The following SLC25A48 variants were observed in gnomAD, a reference collection of about 807,000 sequenced individuals.
SLC25A48 encodes CTC-321K16.1.
A neutral mutation model predicts 32.2 loss-of-function variants in SLC25A48; 29 were observed. That is an observed-to-expected ratio of 0.90 (90% CI 0.67 to 1.23). The LOEUF (loss-of-function observed/expected upper bound fraction) is 1.23. Among genes scored for constraint, SLC25A48 ranks in the 50% most tolerant of loss-of-function variants. The pLI is 0.00. For synonymous variants in SLC25A48, 164 were observed against 172.3 expected, an observed-to-expected ratio of 0.95 and a Z score of 0.38; for missense variants, 399 against 422.7, an observed-to-expected ratio of 0.94 and a Z score of 0.49.
At chr5:135,681,993 T>C (rs1753908773) in intron 3 of SLC25A48, among the ~76,000 whole-genome samples, 1 of 152,202 alleles carries the variant, frequency 6.6e-6, no homozygotes, top group Non-Finnish European at 1.5e-5. Context: ...ATGGATGTGA[T>C]GATCAATACT....
intron 3 of SLC25A48, among the ~76,000 whole-genome samples, chr5:135,662,068 C>A (rs1302408921): frequency 6.6e-6 from 1 of 152,182 alleles, no homozygotes; most frequent in African/African-American, 2.4e-5. Context: ...GCATACAAAT[C>A]CCTTCCACAC....
chr5:135,732,473 C>T (rs1561467684), intron 3 of SLC25A48, among the ~76,000 whole-genome samples: 1 of 152,152 alleles, frequency 6.6e-6, no homozygotes, highest in East Asian at 1.9e-4. Flanking sequence ...TGAGTAAAGT[C>T]AATTTGCCAG....
intron 4 of SLC25A48, among the ~76,000 whole-genome samples, chr5:135,862,787 G>A (rs921517746): frequency 5.3e-5 from 8 of 152,180 alleles, no homozygotes; most frequent in African/African-American, 1.7e-4. Flanking sequence ...GCACATGGTG[G>A]GACAAGGGAG....
intron 1 of SLC25A48, among the ~76,000 whole-genome samples, chr5:135,838,887 T>C (rs115161686): frequency 0.13 from 20,228 of 152,176 alleles, 1,766 homozygotes; most frequent in Middle Eastern, 0.2. Flanking sequence ...GCTAGGGCAG[T>C]GTGGATGGGA....
At chr5:135,831,527 G>A (rs78745032), upstream of SLC25A48, among the ~76,000 whole-genome samples, 33 of 152,340 alleles carry the variant, frequency 2.2e-4, 1 homozygote, top group East Asian at 6.2e-3. Context: ...ATGTGGCATA[G>A]GGTGATGAGG....
chr5:135,867,204 G>A (rs1189752898), intron 4 of SLC25A48, among the ~76,000 whole-genome samples: 2 of 152,104 alleles, frequency 1.3e-5, no homozygotes, highest in Non-Finnish European at 2.9e-5. Context: ...CAATCCTTTC[G>A]CATATGCATG....
At chr5:135,707,410 T>C (rs1419369756) in intron 3 of SLC25A48, among the ~76,000 whole-genome samples, 1 of 152,206 alleles carries the variant, frequency 6.6e-6, no homozygotes, top group African/African-American at 2.4e-5. Flanking sequence ...TGCAAGCGCC[T>C]TTGTGATCTG....
intron 3 of SLC25A48, among the ~76,000 whole-genome samples, chr5:135,794,203 G>T (rs574499246): frequency 1.8e-4 from 28 of 151,820 alleles, no homozygotes; most frequent in Non-Finnish European, 2.9e-5. Flanking sequence ...ATCGCAGGTG[G>T]TGTACACCCC....
At chr5:135,721,855 A>G (rs1413763617) in intron 3 of SLC25A48, among the ~76,000 whole-genome samples, 1 of 152,242 alleles carries the variant, frequency 6.6e-6, no homozygotes, top group East Asian at 1.9e-4. Context: ...GCCACAGCCC[A>G]AGAAGGATGG....
chr5:135,872,821 G>A (rs551323742), intron 5 of SLC25A48: 2 of 152,646 alleles, frequency 1.3e-5, no homozygotes, highest in South Asian at 4.1e-4. Context: ...CATCATCACA[G>A]TTTGCCATGC....
chr5:135,757,659 TATA>T (rs1314580903), intron 3 of SLC25A48, among the ~76,000 whole-genome samples: 2 of 149,616 alleles, frequency 1.3e-5, no homozygotes, highest in South Asian at 2.2e-4. Context: ...AGATGATATT[TATA>T]ATGTCTAGTG....
intron 3 of SLC25A48, among the ~76,000 whole-genome samples, chr5:135,773,137 A>G (rs1232472540): frequency 2.0e-5 from 3 of 151,308 alleles, no homozygotes. Flanking sequence ...GTTTTGTAAT[A>G]TCCAGGGTGG....
At chr5:135,850,884 G>A (rs1023268104) in intron 3 of SLC25A48, among the ~76,000 whole-genome samples, 1 of 152,142 alleles carries the variant, frequency 6.6e-6, no homozygotes, top group Admixed American at 6.5e-5. Flanking sequence ...AGATGTGTCT[G>A]AGCCTAGACA....
intron 3 of SLC25A48, among the ~76,000 whole-genome samples, chr5:135,653,185 T>C (rs1753158861): frequency 6.6e-6 from 1 of 152,226 alleles, no homozygotes; most frequent in Non-Finnish European, 1.5e-5. Flanking sequence ...TATAAATTAC[T>C]CAGTTTCAGG....
intron 3 of SLC25A48, among the ~76,000 whole-genome samples, chr5:135,717,103 T>C (rs1395218691): frequency 1.3e-5 from 2 of 152,132 alleles, no homozygotes. Flanking sequence ...ATATCCCTGA[T>C]CAGTAGCTGT....
At chr5:135,816,328 A>G (rs1757717679) in intron 4 of SLC25A48, among the ~76,000 whole-genome samples, 1 of 152,204 alleles carries the variant, frequency 6.6e-6, no homozygotes, top group African/African-American at 2.4e-5. Flanking sequence ...ATATTACATT[A>G]ATTTGCTACT....
intron 3 of SLC25A48, among the ~76,000 whole-genome samples, chr5:135,656,887 A>G (rs558098491): frequency 6.6e-6 from 1 of 152,296 alleles, no homozygotes; most frequent in East Asian, 1.9e-4. Flanking sequence ...GGCCCTGCAG[A>G]CACCTTGATC....
intron 4 of SLC25A48, among the ~76,000 whole-genome samples, chr5:135,868,671 CACACAT>C (rs1259926255): frequency 8.8e-5 from 7 of 79,468 alleles, no homozygotes; most frequent in Admixed American, 1.6e-4. Flanking sequence ...TACACACACA[CACACAT>C]ACACACACAC....
intron 1 of SLC25A48, among the ~76,000 whole-genome samples, chr5:135,611,312 C>T (rs1430815788): frequency 6.6e-6 from 1 of 151,592 alleles, no homozygotes; most frequent in Non-Finnish European, 1.5e-5. Flanking sequence ...GAGTTCAAGA[C>T]CAGCCTGGCC....
Sources: allele counts gnomAD v4.1 joint callset (sites outside exome capture counted in the v4.1 genomes callset), GRCh38; gene constraint gnomAD v4.1.1; transcripts MANE v1.5; gene names NCBI Gene and HGNC (gene_info 2026-07-23, HGNC 2026-07-21).